Variants in CACNG5 observed in about 807,000 individuals in gnomAD.
CACNG5 encodes voltage-dependent calcium channel gamma-5 subunit.
CACNG5 carries 18 observed loss-of-function variants against 24.8 expected under a neutral mutation model. That is an observed-to-expected ratio of 0.73 (90% confidence interval 0.50 to 1.08). The LOEUF (loss-of-function observed/expected upper bound fraction) is 1.08, where lower values mean the gene tolerates loss of function less well. CACNG5 is among the 50% of genes least tolerant of loss of function. The pLI is 0.00. For synonymous variants in CACNG5, 157 were observed against 149.1 expected, an observed-to-expected ratio of 1.05 and a Z score of -0.39; for missense variants, 349 against 367.9, an observed-to-expected ratio of 0.95 and a Z score of 0.42.
At chr17:66,882,617 G>A (rs11649753) in intron 4 of CACNG5, among the ~76,000 whole-genome samples, 12,715 of 152,042 alleles carry the variant, frequency 0.084, 716 homozygotes, top group Non-Finnish European at 0.11. Flanking sequence ...ATAACGACTT[G>A]GGCCAAAGGA....
At position 66,882,972 on chromosome 17, in the gene CACNG5, CATCA is replaced by C. The variant is rs1283707771; in HGVS notation, c.425-1540_425-1537del. Among the ~76,000 whole-genome samples the C allele has an allele frequency of 3.7e-3, 516 of 138,210 alleles. 2 individuals are homozygous for C. The highest frequency in any genetic ancestry group is 0.011 in the African/African-American group (436 of 38,172). 90.7% of individuals were successfully genotyped at this position (138,210 alleles called of 152,430 possible). ...CCATCCATCCATCCATCCATCCATC[CATCA>C]ATCCATCCATCCACACACCTACCCA... On this transcript the variant is annotated intron_variant, in intron 4 of 5. Transcript: ENST00000533854.
rs57688485 is a variant in CACNG5 at position 66,863,340 on chromosome 17, G to GTT, written c.-103-13882_-103-13881dup. ...TCCTTTTTTCCGTTTCACACTCACT[G>GTT]TTTTTTTTTGTTATTGTTGTTGTTG... On this transcript the variant is annotated intron_variant, in intron 1 of 5. Transcript: ENST00000533854. 2.4e-3 allele frequency among the ~76,000 whole-genome samples: 359 copies of GTT among 150,822 alleles called. 1 individual carries two copies. Among genetic ancestry groups the GTT allele is most frequent in the Middle Eastern group, 0.014 (4 of 294 alleles).
intron 1 of CACNG5, among the ~76,000 whole-genome samples, chr17:66,867,321 G>GTT (rs1225498911): frequency 6.6e-6 from 1 of 151,896 alleles, no homozygotes; most frequent in African/African-American, 2.4e-5. Context: ...GGGGTTGTTT[G>GTT]TTTTTTTCTT....
chr17:66,885,010 T>C lies in CACNG5; in HGVS notation c.598T>C (p.Phe200Leu). ...TGCCGGGGTGATGTCTGTGTACCTGTTTATGAAGCGGTACACCGCGGAGGA... is the reference window on the plus strand; with the variant it reads ...TGCCGGGGTGATGTCTGTGTACCTGCTTATGAAGCGGTACACCGCGGAGGA... ...ESAGVMSVYL[F>L]MKRYTAEDMY... is the part of the protein sequence containing the mutation. The change falls in exon 6 of 6, where the codon TTT (phenylalanine) becomes CTT (leucine). Residue 200 changes from phenylalanine (F) to leucine (L), a missense_variant. Physicochemically the swap from Phe to Leu is conservative, Grantham distance 22. Coordinates refer to ENST00000533854, the MANE Select transcript of CACNG5 (RefSeq NM_145811.3). 1 of 1,614,136 alleles carries C rather than the reference T, an allele frequency of 6.2e-7. No homozygotes were observed. The highest frequency in any genetic ancestry group is 8.5e-7 in the Non-Finnish European group (1 of 1,180,004).
intron 1 of CACNG5, among the ~76,000 whole-genome samples, chr17:66,850,153 C>A (rs1976694437): frequency 6.6e-6 from 1 of 152,220 alleles, no homozygotes; most frequent in Non-Finnish European, 1.5e-5. Context: ...GCCTGTCTTC[C>A]TGCCCTGCAT....
intron 1 of CACNG5, among the ~76,000 whole-genome samples, chr17:66,854,464 G>T (rs1468822498): frequency 6.7e-6 from 1 of 149,100 alleles, no homozygotes; most frequent in African/African-American, 2.5e-5. Flanking sequence ...AGGCTGAGGT[G>T]GGTGGATCAC....
At chr17:66,884,923 C>A (rs1437046708) in intron 5 of CACNG5, 60 bp from the exon 6 acceptor site, 1 of 1,614,016 alleles carries the variant, frequency 6.2e-7, no homozygotes, top group Admixed American at 1.7e-5. Context: ...CAGACCCCAG[C>A]CAAGGGAGAT....
chr17:66,870,913 G>A (rs1012715815), intron 1 of CACNG5, among the ~76,000 whole-genome samples: 3 of 151,940 alleles, frequency 2.0e-5, no homozygotes, highest in Admixed American at 2.0e-4. Flanking sequence ...CTGGGAGGCA[G>A]AGTTTGCAGT....
At chr17:66,882,824 C>T (rs1977180849) in intron 4 of CACNG5, among the ~76,000 whole-genome samples, 1 of 152,064 alleles carries the variant, frequency 6.6e-6, no homozygotes, top group Non-Finnish European at 1.5e-5. Context: ...TGATTACCAC[C>T]TGACTCCTGA....
intron 1 of CACNG5, among the ~76,000 whole-genome samples, chr17:66,852,047 C>G (rs1484220879): frequency 6.6e-6 from 1 of 152,222 alleles, no homozygotes; most frequent in Non-Finnish European, 1.5e-5. Flanking sequence ...TGGGCACCAT[C>G]TAATCGGCTG....
rs557019728 is a variant in CACNG5 at position 66,871,703 on chromosome 17, C to CA, written c.-103-5520dup. ...AAAGCTCCTGTTTCTACTAAAAATA[C>CA]AAAAAAATTAGCCGGGCGTGGTGGC... On this transcript the variant is annotated intron_variant, in intron 1 of 5. Transcript: ENST00000533854. Among the ~76,000 whole-genome samples, 26 of 152,106 alleles carry CA rather than the reference C, an allele frequency of 1.7e-4. No homozygotes were observed. The South Asian group carries it at 5.0e-3, about 29-fold the overall frequency.
At chr17:66,861,537 G>A (rs1017700857) in intron 1 of CACNG5, among the ~76,000 whole-genome samples, 1 of 152,202 alleles carries the variant, frequency 6.6e-6, no homozygotes, top group East Asian at 1.9e-4. Context: ...TGGAATAGGG[G>A]TGCAGATATA....
At position 66,885,496 on chromosome 17, in the gene CACNG5, T is replaced by G; in HGVS notation, c.*256T>G. ...GAAGCCCCGCCCATGTGAGTGCCAA[T>G]CACAGCAGTGGCTCCAGGAAGCCAG... is the stretch of plus-strand genomic sequence containing the variant. On this transcript the variant is annotated 3_prime_UTR_variant, in exon 6 of 6. Transcript: ENST00000533854. 1 of 477,722 alleles carries G rather than the reference T, an allele frequency of 2.1e-6. No individual in the cohort carries two copies. The allele number at this position is 477,722 out of a possible 1,614,324, so 29.6% of individuals were successfully genotyped here. A position where few individuals can be genotyped will look rare whatever the true frequency, so the allele number is the denominator to read the frequency against.
At chr17:66,878,905 ATTTG>A (rs1977120470) in intron 2 of CACNG5, 63 bp from the exon 3 acceptor site, 1 of 1,316,080 alleles carries the variant, frequency 7.6e-7, no homozygotes, top group African/African-American at 1.4e-5. Flanking sequence ...TGGAAATACC[ATTTG>A]TATGGACCAA....
chr17:66,883,779 C>A (rs1977200884), intron 4 of CACNG5, among the ~76,000 whole-genome samples: 1 of 152,194 alleles, frequency 6.6e-6, no homozygotes. Flanking sequence ...GCCCATGGGG[C>A]GTATTTTACC....
At chr17:66,836,479 G>A (rs1177177809) in intron 1 of CACNG5, among the ~76,000 whole-genome samples, 3 of 152,168 alleles carry the variant, frequency 2.0e-5, no homozygotes, top group Admixed American at 6.5e-5. Context: ...AGTATCTCAG[G>A]ACCACAGGCA....
intron 1 of CACNG5, among the ~76,000 whole-genome samples, chr17:66,848,335 G>A (rs1489208922): frequency 6.6e-6 from 1 of 152,192 alleles, no homozygotes; most frequent in East Asian, 1.9e-4. Flanking sequence ...AGAAGATGGA[G>A]GGCTCCATAG....
chr17:66,862,888 T>TTCTCTC (rs144007490), intron 1 of CACNG5, among the ~76,000 whole-genome samples: 8,829 of 95,568 alleles, frequency 0.092, 521 homozygotes, highest in African/African-American at 0.19. Flanking sequence ...TGCCAGCATA[T>TTCTCTC]TCTCTGTGTG....
At chr17:66,868,204 C>T (rs747361061) in intron 1 of CACNG5, among the ~76,000 whole-genome samples, 10 of 152,160 alleles carry the variant, frequency 6.6e-5, no homozygotes, top group East Asian at 5.8e-4. Context: ...TTGGTCCCTA[C>T]GGAAAATGGA....
Sources: allele counts gnomAD v4.1 joint callset (sites outside exome capture counted in the v4.1 genomes callset), GRCh38; gene constraint gnomAD v4.1.1; transcripts MANE v1.5; gene names NCBI Gene and HGNC (gene_info 2026-07-23, HGNC 2026-07-21).